The following KALRN variants were observed in gnomAD, a reference collection of about 807,000 sequenced individuals.
The protein encoded by KALRN is kalirin RhoGEF kinase, also known as kalirin.
In KALRN, 70 loss-of-function variants were observed where a neutral mutation model predicts 353.7. The observed-to-expected ratio is 0.20, with a 90% confidence interval of 0.16 to 0.24. KALRN has a LOEUF of 0.24. Among genes scored for constraint, KALRN ranks in the 10% least tolerant of loss-of-function variants. KALRN has a pLI of 1.00. For missense variants in KALRN, 2,791 were observed against 3,756.7 expected (o/e 0.74, Z 6.72); for synonymous variants, 1,391 against 1,434.8 (o/e 0.97, Z 0.69).
At chr3:124,201,704 G>A (rs920570549) in intron 1 of KALRN, among the ~76,000 whole-genome samples, 5 of 152,186 alleles carry the variant, frequency 3.3e-5, no homozygotes, top group African/African-American at 1.2e-4. Context: ...CCCCCTGGGT[G>A]CTCCTAATCT....
In KALRN at chr3:124,434,400, G is replaced by A. The variant is rs746247182; in HGVS notation, c.2923G>A (p.Asp975Asn). Residue 975 changes from aspartate to asparagine, a missense_variant, in exon 17 of 60, where the codon GAT (aspartate) becomes AAT (asparagine). Asp to Asn is a conservative substitution (Grantham distance 23, BLOSUM62 1). Around this residue, in one of 11 missense-constraint regions of KALRN, gnomAD observed 452 missense variants for 575.8 expected, o/e 0.78. Transcript: ENST00000682506. ...GGTGCTGCTCCAGGCCGGCCACTAC[G>A]ATGCCGATGCCATCCGGGAATGTGC... Reference protein sequence around the residue: ...AEVLLQAGHYDADAIRECAEK... With the variant: ...AEVLLQAGHYNADAIRECAEK... 8 of 1,614,164 alleles carry A rather than the reference G, an allele frequency of 5.0e-6. No homozygotes were observed. The highest frequency in any genetic ancestry group is 2.7e-5 in the African/African-American group (2 of 75,060).
chr3:124,496,440 C>A (rs750056636), intron 33 of KALRN, 27 bp downstream of exon 33: 1 of 1,541,928 alleles, frequency 6.5e-7, no homozygotes, highest in Non-Finnish European at 9.0e-7. Context: ...ACCTTCCTTC[C>A]CCTGAGACTT....
At chr3:124,413,403 G>T in intron 13 of KALRN, 67 bp from the exon 14 acceptor site, 6 of 1,324,256 alleles carry the variant, frequency 4.5e-6, no homozygotes, top group Non-Finnish European at 6.3e-6. Flanking sequence ...TTGGAATTGT[G>T]AGCCTTAACC....
At chr3:124,282,428 A>G (rs1178941238) in intron 5 of KALRN, among the ~76,000 whole-genome samples, 2 of 140,272 alleles carry the variant, frequency 1.4e-5, no homozygotes, top group African/African-American at 5.3e-5. Context: ...ATCCAGGCTG[A>G]GTGCAATGGC....
chr3:124,396,854 A>G (rs2090228498), intron 12 of KALRN, among the ~76,000 whole-genome samples: 1 of 152,204 alleles, frequency 6.6e-6, no homozygotes, highest in Admixed American at 6.5e-5. Context: ...GCCACTGGCG[A>G]CCATTCATTA....
chr3:124,229,007 T>TCATTTCCATCTCTACCTCCAGGGTCAAA (rs2078873027), intron 2 of KALRN, among the ~76,000 whole-genome samples: 1 of 152,230 alleles, frequency 6.6e-6, no homozygotes, highest in Non-Finnish European at 1.5e-5. Flanking sequence ...TGTGACTACA[T>TCATTTCCATCTCTACCTCCAGGGTCAAA]TTAGGGCCCA....
chr3:124,204,370 C>G (rs1412821758), intron 1 of KALRN, among the ~76,000 whole-genome samples: 2 of 152,176 alleles, frequency 1.3e-5, no homozygotes, highest in Non-Finnish European at 2.9e-5. Flanking sequence ...GGTTTAGGAA[C>G]AAACTGCTGT....
At chr3:124,063,240 G>A (rs1354586059) in intron 1 of KALRN, among the ~76,000 whole-genome samples, 1 of 152,178 alleles carries the variant, frequency 6.6e-6, no homozygotes, top group Non-Finnish European at 1.5e-5. Flanking sequence ...TTGGAATGAG[G>A]GTTCAGCGTC....
At chr3:124,285,892 C>T (rs1319424347) in intron 5 of KALRN, among the ~76,000 whole-genome samples, 1 of 152,094 alleles carries the variant, frequency 6.6e-6, no homozygotes, top group African/African-American at 2.4e-5. Flanking sequence ...TTCAAATATT[C>T]AAAAGGCACC....
intron 1 of KALRN, among the ~76,000 whole-genome samples, chr3:124,174,851 G>A (rs537624913): frequency 6.6e-6 from 1 of 152,354 alleles, no homozygotes; most frequent in East Asian, 1.9e-4. Context: ...ATCCTTGGCA[G>A]GAGAAGATGT....
rs1553885259 is a variant in KALRN, at chr3:124,270,819, G to GT, written c.969+1568dup. Among the ~76,000 whole-genome samples, 124 of 67,984 alleles carry GT rather than the reference G, an allele frequency of 1.8e-3. 2 individuals are homozygous for GT. The highest frequency in any genetic ancestry group is 5.3e-3 in the African/African-American group (102 of 19,372). The allele number at this position is 67,984 out of a possible 152,430, so 44.6% of individuals were successfully genotyped here. On this transcript the variant is annotated intron_variant, in intron 5 of 59. Transcript: ENST00000682506. The stretch of plus-strand genomic sequence containing the variant: ...TTTTGTTTTCTTTGTTTATTTTTTT[G>GT]TTTTGTTTTTTTTTTTTTTTTTTTT...
chr3:124,226,292 G>T (rs1304427684), intron 1 of KALRN, among the ~76,000 whole-genome samples: 1 of 152,104 alleles, frequency 6.6e-6, no homozygotes, highest in East Asian at 1.9e-4. Flanking sequence ...AAATTTAATT[G>T]TTTTTCTGTG....
chr3:124,211,696 G>A (rs1347589230), intron 1 of KALRN, among the ~76,000 whole-genome samples: 2 of 152,110 alleles, frequency 1.3e-5, no homozygotes, highest in African/African-American at 4.8e-5. Context: ...AGTCTTCATC[G>A]CTGCATGATG....
chr3:124,250,796 G>A (rs1458662119), intron 3 of KALRN, among the ~76,000 whole-genome samples: 2 of 151,908 alleles, frequency 1.3e-5, no homozygotes, highest in African/African-American at 4.8e-5. Context: ...TTCTTTCCCT[G>A]TAGTGCTTTG....
chr3:124,461,374 CT>C (rs1447696799), intron 23 of KALRN, among the ~76,000 whole-genome samples: 1 of 151,976 alleles, frequency 6.6e-6, no homozygotes, highest in Non-Finnish European at 1.5e-5. Context: ...TTGCTAACCC[CT>C]GATCTCGGTG....
rs1442702708 is a variant in KALRN at position 124,455,230 on chromosome 3, A to T, written c.3606A>T (p.Glu1202Asp). Reference sequence around the variant, plus strand: ...TTCAGCTGGCCGATAGCTTTGTGGAAAAAGGCCACATTCATGCCACGGAGA... The same window carrying T: ...TTCAGCTGGCCGATAGCTTTGTGGATAAAGGCCACATTCATGCCACGGAGA... ...LLIQLADSFVEKGHIHATEIR... is the reference protein window; with the variant it reads ...LLIQLADSFVDKGHIHATEIR... The change falls in exon 22 of 60, where the codon GAA (glutamate) becomes GAT (aspartate). Residue 1202 changes from glutamate to aspartate, a missense_variant. Coordinates refer to ENST00000682506, the MANE Select transcript of KALRN (RefSeq NM_001388419.1). 3 of 1,614,200 alleles carry T rather than the reference A, an allele frequency of 1.9e-6. No homozygotes were observed. The highest frequency in any genetic ancestry group is 2.5e-6 in the Non-Finnish European group (3 of 1,180,020).
At chr3:124,596,139 T>C (rs939102256) in intron 34 of KALRN, among the ~76,000 whole-genome samples, 2 of 151,712 alleles carry the variant, frequency 1.3e-5, no homozygotes, top group African/African-American at 4.8e-5. Context: ...TAGCTCACAG[T>C]TTTTTCATCT....
At chr3:124,602,090 T>G (rs1320987686) in intron 34 of KALRN, among the ~76,000 whole-genome samples, 1 of 152,128 alleles carries the variant, frequency 6.6e-6, no homozygotes, top group East Asian at 1.9e-4. Flanking sequence ...CAGAGCTTCT[T>G]GTATTCAATA....
At chr3:124,657,605 G>C in intron 40 of KALRN, 54 bp downstream of exon 40, 1 of 1,461,902 alleles carries the variant, frequency 6.8e-7, no homozygotes, top group East Asian at 2.3e-5. Context: ...CAGGACTTGA[G>C]TCCTCTTCCT....
Sources: gnomAD v4.1 joint callset for allele counts (sites outside exome capture counted in the v4.1 genomes callset) on GRCh38, gnomAD v4.1.1 for gene constraint, gnomAD v4.1.1 regional missense constraint, MANE v1.5 for transcripts, NCBI Gene and HGNC (gene_info 2026-07-23, HGNC 2026-07-21) for gene names.